Variants in CDYL2 observed in about 807,000 individuals in gnomAD.
The protein encoded by CDYL2 is chromodomain Y like 2, also known as chromodomain Y-like protein 2.
In CDYL2, 23 loss-of-function variants were observed where a neutral mutation model predicts 49.4. The ratio of observed to expected loss-of-function variants is 0.47; its 90% CI spans 0.34 to 0.66. CDYL2 has a LOEUF of 0.66. CDYL2 is among the 30% of genes least tolerant of loss of function. CDYL2 has a pLI of 0.01. For synonymous variants in CDYL2, 360 were observed against 268.8 expected (o/e 1.34, Z -3.32); for missense variants, 678 against 656.4 (o/e 1.03, Z -0.36).
chr16:80,733,546 C>A (rs8045164), intron 1 of CDYL2, among the ~76,000 whole-genome samples: 74,487 of 151,928 alleles, frequency 0.49, 19,476 homozygotes, highest in Middle Eastern at 0.64. Context: ...TTTAAGTCCC[C>A]TTGCCCTGGG....
In CDYL2 at chr16:80,599,080, TATAAGAGCTCCAGCATCAGGCTAGAA is replaced by T. The variant is rs1330339477; in HGVS notation, c.*5282_*5307del. On this transcript the variant is annotated 3_prime_UTR_variant, in exon 7 of 7. Coordinates refer to ENST00000570137, the MANE Select transcript of CDYL2 (RefSeq NM_152342.4). Reference sequence around the variant, plus strand: ...TCAAGAGCTCCAGCATCAGGCTAGATATAAGAGCTCCAGCATCAGGCTAGAAATAAGAGCTCCAGCATCAGGCTAGA... The same window carrying T: ...TCAAGAGCTCCAGCATCAGGCTAGATATAAGAGCTCCAGCATCAGGCTAGA... 5.3e-5 allele frequency: 8 copies of T among 151,530 alleles called. No individual in the cohort carries two copies. Among genetic ancestry groups the T allele is most frequent in the African/African-American group, 9.8e-5 (4 of 40,992 alleles). The allele number at this position is 151,530 out of a possible 1,614,324, so 9.4% of individuals were successfully genotyped here.
intron 1 of CDYL2, among the ~76,000 whole-genome samples, chr16:80,717,149 A>C (rs149778377): frequency 7.3e-6 from 1 of 137,916 alleles, no homozygotes; most frequent in Non-Finnish European, 1.6e-5. Flanking sequence ...CTGGATCGAT[A>C]GATGGATGGA....
chr16:80,737,359 C>T (rs545518196), intron 1 of CDYL2, among the ~76,000 whole-genome samples: 17 of 152,174 alleles, frequency 1.1e-4, no homozygotes, highest in Admixed American at 2.0e-4. Context: ...GTCCTTGGAA[C>T]AACCTTAAAA....
chr16:80,804,019 C>T (rs1004298097), intron 1 of CDYL2, 131 bp downstream of exon 1: 15 of 618,254 alleles, frequency 2.4e-5, no homozygotes, highest in Non-Finnish European at 3.0e-5. Flanking sequence ...CCGGCCGCCG[C>T]CGCCGCCGCC....
chr16:80,775,462 T>G (rs1907050994), intron 1 of CDYL2, among the ~76,000 whole-genome samples: 1 of 151,850 alleles, frequency 6.6e-6, no homozygotes, highest in Non-Finnish European at 1.5e-5. Context: ...GGGGGTGGGT[T>G]GTAACAATTA....
intron 1 of CDYL2, among the ~76,000 whole-genome samples, chr16:80,720,915 T>C (rs1469296602): frequency 6.6e-6 from 1 of 152,116 alleles, no homozygotes; most frequent in Non-Finnish European, 1.5e-5. Context: ...TGGGGTAACT[T>C]ATCTTAAATA....
chr16:80,743,473 G>A lies in CDYL2; in HGVS notation c.25-58344C>T, dbSNP rs577032109. Among the ~76,000 whole-genome samples, 6 of 109,948 alleles carry A rather than the reference G, an allele frequency of 5.5e-5. No individual in the cohort carries two copies. In the South Asian group the frequency reaches 1.2e-3, roughly 22 times the overall value. The allele number at this position is 109,948 out of a possible 152,430, so 72.1% of individuals were successfully genotyped here. On this transcript the variant is annotated intron_variant, in intron 1 of 6. Coordinates refer to ENST00000570137, the MANE Select transcript of CDYL2 (RefSeq NM_152342.4). ...TGATTCATCAGCTCTAACAGAAGTA[G>A]CAGCACTTCAACCTGGAACTGGGGT...
intron 1 of CDYL2, among the ~76,000 whole-genome samples, chr16:80,732,790 A>G (rs17826881): frequency 6.6e-6 from 1 of 152,016 alleles, no homozygotes; most frequent in Non-Finnish European, 1.5e-5. Flanking sequence ...TTTTATTCCA[A>G]TTGTTACCAA....
intron 5 of CDYL2, among the ~76,000 whole-genome samples, chr16:80,609,991 A>T (rs1157904781): frequency 6.6e-6 from 1 of 152,218 alleles, no homozygotes; most frequent in African/African-American, 2.4e-5. Context: ...TCATGACAGC[A>T]CCAAGCTCCC....
At chr16:80,676,961 G>GTCTTTTTTTT (rs1407459686) in intron 2 of CDYL2, among the ~76,000 whole-genome samples, 3 of 110,518 alleles carry the variant, frequency 2.7e-5, no homozygotes, top group Admixed American at 9.7e-5. Flanking sequence ...CCAATTCAAT[G>GTCTTTTTTTT]TATTTTTTTT....
intron 1 of CDYL2, among the ~76,000 whole-genome samples, chr16:80,711,001 C>G (rs1904576628): frequency 6.6e-6 from 1 of 152,194 alleles, no homozygotes; most frequent in African/African-American, 2.4e-5. Context: ...CAGTTTGTCA[C>G]TAAAACTAAT....
At chr16:80,797,391 A>G (rs544186556) in intron 1 of CDYL2, among the ~76,000 whole-genome samples, 49 of 152,262 alleles carry the variant, frequency 3.2e-4, no homozygotes, top group Admixed American at 6.5e-5. Context: ...CAGACCATCA[A>G]TCAAGTTTTA....
intron 1 of CDYL2, among the ~76,000 whole-genome samples, chr16:80,780,874 T>C (rs1439508312): frequency 6.6e-6 from 1 of 152,184 alleles, no homozygotes; most frequent in Non-Finnish European, 1.5e-5. Flanking sequence ...AAAAAAAGTG[T>C]TGGAATCAAC....
chr16:80,705,136 C>T (rs571728487), intron 1 of CDYL2, among the ~76,000 whole-genome samples: 3 of 152,336 alleles, frequency 2.0e-5, no homozygotes, highest in African/African-American at 7.2e-5. Flanking sequence ...GGTCCAGATC[C>T]GAATGCCCAC....
chr16:80,614,327 C>T (rs1463270255), intron 4 of CDYL2, among the ~76,000 whole-genome samples: 1 of 152,198 alleles, frequency 6.6e-6, no homozygotes, highest in Non-Finnish European at 1.5e-5. Context: ...AAAAACCCAC[C>T]AGTACCACTT....
intron 2 of CDYL2, among the ~76,000 whole-genome samples, chr16:80,662,209 C>G (rs940324839): frequency 1.5e-4 from 23 of 152,112 alleles, no homozygotes; most frequent in African/African-American, 4.8e-4. Context: ...GAGTGAGATC[C>G]CACCTCTCAA....
chr16:80,721,700 C>G (rs1044189724), intron 1 of CDYL2, among the ~76,000 whole-genome samples: 2 of 152,188 alleles, frequency 1.3e-5, no homozygotes, highest in Admixed American at 6.5e-5. Flanking sequence ...ATCAAGCATG[C>G]CTAACAATGG....
At chr16:80,802,042 A>C (rs113218401) in intron 1 of CDYL2, among the ~76,000 whole-genome samples, 3 of 84,248 alleles carry the variant, frequency 3.6e-5, no homozygotes, top group African/African-American at 2.1e-4. Flanking sequence ...TGTCCTCCTT[A>C]ACTGAAATTC....
At chr16:80,718,397 A>G (rs1367574711) in intron 1 of CDYL2, among the ~76,000 whole-genome samples, 2 of 152,282 alleles carry the variant, frequency 1.3e-5, no homozygotes, top group South Asian at 4.1e-4. Flanking sequence ...ACATCAACCC[A>G]CTGAAGGGGA....
Sources: gnomAD v4.1 joint callset for allele counts (sites outside exome capture counted in the v4.1 genomes callset) on GRCh38, gnomAD v4.1.1 for gene constraint, MANE v1.5 for transcripts, NCBI Gene and HGNC (gene_info 2026-07-23, HGNC 2026-07-21) for gene names.